Variants in MAX observed in about 807,000 individuals in gnomAD.
MAX encodes MYC associated transcriptional regulator X, also known as protein max.
Under a neutral mutation model 22.3 loss-of-function variants are expected in MAX, and 3 were observed. That is an observed-to-expected ratio of 0.13 (90% CI 0.06 to 0.35). The LOEUF (loss-of-function observed/expected upper bound fraction) is 0.35. Ranked by LOEUF, MAX falls within the 10% of genes least tolerant of loss-of-function variation. The pLI, the probability that MAX is intolerant of heterozygous loss-of-function variation, is 1.00. For missense variants in MAX, 119 were observed against 209.4 expected (o/e 0.57, Z 2.66); for synonymous variants, 72 against 77.7 (o/e 0.93, Z 0.39).
chr14:65,097,070 T>C (rs2063695273), intron 2 of MAX, among the ~76,000 whole-genome samples: 1 of 152,202 alleles, frequency 6.6e-6, no homozygotes, highest in Non-Finnish European at 1.5e-5. Context: ...ACCAAATCAC[T>C]TCCAGCTTTG....
rs1257558877 is a variant in MAX at position 65,047,406 on chromosome 14, C to T, written c.172-41122G>A. 6.6e-6 allele frequency among the ~76,000 whole-genome samples: 1 copy of T among 152,158 alleles called. No homozygotes were observed. Among genetic ancestry groups the T allele is most frequent in the Non-Finnish European group, 1.5e-5 (1 of 68,050 alleles). ...CCCTGCTCATAACCACAGTAGGTGG[C>T]CATTAATCCAACGAAAAATTGTTTA... On this transcript the variant is annotated intron_variant, in intron 3 of 3. Coordinates refer to the MAX transcript ENST00000341653. The surrounding 1 kb of genome is among the most constrained non-coding windows in gnomAD (Gnocchi z 5.2).
Position 65,032,591 on chromosome 14 carries a change from C to T in MAX, c.172-26307G>A. On this transcript the variant is annotated intron_variant, in intron 3 of 3. Transcript: ENST00000341653. This position sits in a 1 kb window ranked among gnomAD's most constrained non-coding sequence, Gnocchi z 5.0. ...CTCTTCCGTAGAGCTTAATGTGTTT[C>T]CCGTTTCTGTCTTTCCAGAAGCGCA... 1 of 1,612,372 alleles carries T rather than the reference C, an allele frequency of 6.2e-7. No homozygotes were observed. The highest frequency in any genetic ancestry group is 8.5e-7 in the Non-Finnish European group (1 of 1,179,674).
At position 65,087,447 on chromosome 14, in the gene MAX, C is replaced by A. The variant is rs1286794744; in HGVS notation, c.171+6261G>T. On this transcript the variant is annotated intron_variant, in intron 3 of 4. Transcript: ENST00000358664. ...ACCTTGCAAAGCCACAAGGGTAGAGCTATGCAAGACCAAAGGAACCCACCT... is the reference window on the plus strand; with the variant it reads ...ACCTTGCAAAGCCACAAGGGTAGAGATATGCAAGACCAAAGGAACCCACCT... 2.0e-5 allele frequency among the ~76,000 whole-genome samples: 3 copies of A among 152,242 alleles called. No homozygotes were observed. In the East Asian group the frequency reaches 5.8e-4, roughly 29 times the overall value.
At position 65,093,276 on chromosome 14, in the gene MAX, A is replaced by T. The variant is rs902097989; in HGVS notation, c.171+432T>A. ...GCCCAGGTTGTTTTTCACATACATT[A>T]CACACATTTCTGCAAGTGCTCATTT... is the stretch of plus-strand genomic sequence containing the variant. On this transcript the variant is annotated intron_variant, in intron 3 of 4. Coordinates refer to ENST00000358664, the MANE Select transcript of MAX (RefSeq NM_002382.5). This position sits in a 1 kb window ranked among gnomAD's most constrained non-coding sequence, Gnocchi z 4.4. Among the ~76,000 whole-genome samples, 6 of 150,496 alleles carry T rather than the reference A, an allele frequency of 4.0e-5. No homozygotes were observed. The East Asian group carries it at 9.8e-4, about 25-fold the overall frequency.
intron 3 of MAX, among the ~76,000 whole-genome samples, chr14:65,065,482 A>G (rs1224474670): frequency 6.6e-6 from 1 of 152,136 alleles, no homozygotes; most frequent in East Asian, 1.9e-4. Context: ...TAGATGGCCT[A>G]CCCTACCGCA....
In MAX at chr14:65,014,412, A is replaced by G. The variant is rs2061734299; in HGVS notation, c.172-8128T>C. Among the ~76,000 whole-genome samples, 2 of 152,132 alleles carry G rather than the reference A, an allele frequency of 1.3e-5. No homozygotes were observed. The highest frequency in any genetic ancestry group is 4.8e-5 in the African/African-American group (2 of 41,432). On this transcript the variant is annotated intron_variant, in intron 3 of 3. Transcript: ENST00000341653. This position sits in a 1 kb window ranked among gnomAD's most constrained non-coding sequence, Gnocchi z 5.1. ...CGTCCATTACAGCATTTCTCCAGGT[A>G]TATGTACACGTGTTGGTTCCAGAAA... is the stretch of plus-strand genomic sequence containing the variant.
At chr14:65,016,177 A>G (rs1444906018) in intron 3 of MAX, among the ~76,000 whole-genome samples, 4 of 152,072 alleles carry the variant, frequency 2.6e-5, no homozygotes, top group Admixed American at 1.3e-4. Flanking sequence ...TCTTGATGGG[A>G]CTGGATGTGT....
In MAX at chr14:65,084,302, AG is replaced by A. The variant is rs2063271831; in HGVS notation, c.172-6267del. 6.7e-7 allele frequency: 1 copy of A among 1,490,404 alleles called. No individual in the cohort carries two copies. Among genetic ancestry groups the A allele is most frequent in the Admixed American group, 1.7e-5 (1 of 59,894 alleles). 92.3% of individuals were successfully genotyped at this position (1,490,404 alleles called of 1,614,324 possible). ...AATTTCCAAAAGAGGAAATAGAGCT[AG>A]TAAATAAACATGTGGAAAAGCAATT... On this transcript the variant is annotated intron_variant, in intron 3 of 4. Coordinates refer to ENST00000358664, the MANE Select transcript of MAX (RefSeq NM_002382.5). This position sits in a 1 kb window ranked among gnomAD's most constrained non-coding sequence, Gnocchi z 4.3.
In MAX at chr14:65,012,481, C is replaced by T. The variant is rs886921347; in HGVS notation, c.172-6197G>A. On this transcript the variant is annotated intron_variant, in intron 3 of 3. Coordinates refer to the MAX transcript ENST00000341653. The surrounding 1 kb of genome is among the most constrained non-coding windows in gnomAD (Gnocchi z 5.0). ...AAACGTAAAAGACTGTTGGGGCTGA[C>T]CTGTTGCAGAGTCACTCTTTGTTCT... 1.3e-6 allele frequency: 2 copies of T among 1,521,098 alleles called. No homozygotes were observed. The highest frequency in any genetic ancestry group is 1.8e-6 in the Non-Finnish European group (2 of 1,112,996). The allele number at this position is 1,521,098 out of a possible 1,614,324, so 94.2% of individuals were successfully genotyped here.
In MAX at chr14:65,075,937, C is replaced by T. The variant is rs951366615; in HGVS notation, c.*539G>A. On this transcript the variant is annotated 3_prime_UTR_variant, in exon 5 of 5. Transcript: ENST00000358664. This position sits in a 1 kb window ranked among gnomAD's most constrained non-coding sequence, Gnocchi z 4.1. ...TAAGGATCTGGTCTTTCAATAGGAG[C>T]GATACATAGCTTTTTAGAAAAAGGA... 19 of 1,069,092 alleles carry T rather than the reference C, an allele frequency of 1.8e-5. No individual in the cohort carries two copies. Among genetic ancestry groups the T allele is most frequent in the Non-Finnish European group, 2.2e-5 (19 of 882,094 alleles). 66.2% of individuals were successfully genotyped at this position (1,069,092 alleles called of 1,614,324 possible). A position where few individuals can be genotyped will look rare whatever the true frequency, so the allele number is the denominator to read the frequency against.
rs369829374 is a variant in MAX at position 65,014,598 on chromosome 14, C to T, written c.172-8314G>A. 2.6e-5 allele frequency among the ~76,000 whole-genome samples: 4 copies of T among 152,234 alleles called. No homozygotes were observed. Among genetic ancestry groups the T allele is most frequent in the Admixed American group, 2.6e-4 (4 of 15,288 alleles). On this transcript the variant is annotated intron_variant, in intron 3 of 3. Transcript: ENST00000341653. The surrounding 1 kb of genome is among the most constrained non-coding windows in gnomAD (Gnocchi z 5.1). Reference sequence around the variant, plus strand: ...GGAGGCTCAGGCAGGTGAATTGCTTCAGCCCAGGAGTTCAAGACCAGCCTG... The same window carrying T: ...GGAGGCTCAGGCAGGTGAATTGCTTTAGCCCAGGAGTTCAAGACCAGCCTG...
At chr14:65,063,101 A>G (rs2062893767) in intron 3 of MAX, among the ~76,000 whole-genome samples, 1 of 152,188 alleles carries the variant, frequency 6.6e-6, no homozygotes, top group Non-Finnish European at 1.5e-5. Flanking sequence ...GGCCAAGAAC[A>G]TGGATGTCCT....
At chr14:65,019,087 C>CCTA (rs2061837172) in intron 3 of MAX, among the ~76,000 whole-genome samples, 8 of 152,090 alleles carry the variant, frequency 5.3e-5, no homozygotes, top group Admixed American at 4.6e-4. Flanking sequence ...GCAGGAGACT[C>CCTA]GCTTGAACCC....
At chr14:65,013,959 G>A (rs185818915) in intron 3 of MAX, among the ~76,000 whole-genome samples, 6 of 152,308 alleles carry the variant, frequency 3.9e-5, no homozygotes, top group Admixed American at 3.3e-4. Flanking sequence ...GGCACATAGC[G>A]AGTAAGATGA....
At chr14:65,070,377 AAATT>A (rs970181980), downstream of MAX, among the ~76,000 whole-genome samples, 35 of 152,282 alleles carry the variant, frequency 2.3e-4, no homozygotes, top group African/African-American at 8.2e-4. The surrounding 1 kb of genome is among the most constrained non-coding windows in gnomAD (Gnocchi z 4.4). Flanking sequence ...TTACTGGAAA[AAATT>A]AATAGCAGAG....
At position 65,093,847 on chromosome 14, in the gene MAX, A is replaced by G. The variant is rs369636617; in HGVS notation, c.64-32T>C. 5.7e-6 allele frequency: 7 copies of G among 1,225,692 alleles called. No homozygotes were observed. The highest frequency in any genetic ancestry group is 8.5e-6 in the Non-Finnish European group (7 of 825,256). The allele number at this position is 1,225,692 out of a possible 1,614,324, so 75.9% of individuals were successfully genotyped here. A position where few individuals can be genotyped will look rare whatever the true frequency, so the allele number is the denominator to read the frequency against. ...GAATGGGAGAAAGAACACATTAGGA[A>G]TGTCACTCCTTTTGCTTGGTACAAG... On this transcript the variant is annotated intron_variant, in intron 2 of 4. Coordinates refer to ENST00000358664, the MANE Select transcript of MAX (RefSeq NM_002382.5). This position sits in a 1 kb window ranked among gnomAD's most constrained non-coding sequence, Gnocchi z 4.4.
At chr14:65,096,427 G>T (rs2063677589) in intron 2 of MAX, among the ~76,000 whole-genome samples, 1 of 152,160 alleles carries the variant, frequency 6.6e-6, no homozygotes, top group Non-Finnish European at 1.5e-5. Context: ...CTAATGTTTT[G>T]AAAGAGCACA....
chr14:65,022,200 A>G (rs2061901436), intron 3 of MAX: 1 of 388,692 alleles, frequency 2.6e-6, no homozygotes, highest in Non-Finnish European at 5.2e-6. Context: ...ATGCCAGCTC[A>G]TGCATCTTGC....
intron 3 of MAX, chr14:65,061,512 C>T: frequency 4.1e-6 from 4 of 978,424 alleles, no homozygotes; most frequent in Non-Finnish European, 5.7e-6. Flanking sequence ...ATTCTTTCCA[C>T]ACCTGTCAAA....
Sources: allele counts gnomAD v4.1 joint callset (sites outside exome capture counted in the v4.1 genomes callset), GRCh38; gene constraint gnomAD v4.1.1; non-coding constraint Gnocchi (gnomAD v3.1); transcripts MANE v1.5; gene names NCBI Gene and HGNC (gene_info 2026-07-23, HGNC 2026-07-21).